The following TMEM38A variants were observed in gnomAD, a reference collection of about 807,000 sequenced individuals.
The protein encoded by TMEM38A is trimeric intracellular cation channel type A.
A neutral mutation model predicts 28.6 loss-of-function variants in TMEM38A; 17 were observed. The ratio of observed to expected loss-of-function variants is 0.60; its 90% CI spans 0.41 to 0.89. The LOEUF (loss-of-function observed/expected upper bound fraction) is 0.89. Ranked by LOEUF, TMEM38A falls within the 40% of genes least tolerant of loss-of-function variation. TMEM38A has a pLI of 0.00. For missense variants in TMEM38A, 328 were observed against 393.1 expected (o/e 0.83, Z 1.40); for synonymous variants, 169 against 166.1 (o/e 1.02, Z -0.14).
At chr19:16,673,682 C>T (rs927135137) in intron 1 of TMEM38A, among the ~76,000 whole-genome samples, 1 of 152,116 alleles carries the variant, frequency 6.6e-6, no homozygotes, top group African/African-American at 2.4e-5. Context: ...ATTATTTCCC[C>T]CTGTGAGGTT....
intron 1 of TMEM38A, among the ~76,000 whole-genome samples, chr19:16,662,336 GA>G (rs940460009): frequency 6.7e-6 from 1 of 148,438 alleles, no homozygotes; most frequent in Non-Finnish European, 1.5e-5. Flanking sequence ...AAGGGCAAAG[GA>G]AAAAAAGAGA....
At chr19:16,680,237 G>C in intron 2 of TMEM38A, 97 bp downstream of exon 2, 4 of 1,522,162 alleles carry the variant, frequency 2.6e-6, no homozygotes, top group Non-Finnish European at 2.7e-6. Flanking sequence ...GAATGCACCA[G>C]CAACAGCCCT....
rs892022628 is a variant in TMEM38A, at chr19:16,676,379, A to G, written c.125-3605A>G. Among the ~76,000 whole-genome samples the G allele has an allele frequency of 4.5e-4, 68 of 152,254 alleles. 1 individual carries two copies. The highest frequency in any genetic ancestry group is 1.6e-3 in the African/African-American group (65 of 41,562). On this transcript the variant is annotated intron_variant, in intron 1 of 5. Transcript: ENST00000187762. ...TCAAACAAAAAAAGAGAGAGATTAC[A>G]TTTTGTGACCTTGTTATCTCATGTC...
At chr19:16,678,509 C>G (rs1260822777) in intron 1 of TMEM38A, among the ~76,000 whole-genome samples, 3 of 151,374 alleles carry the variant, frequency 2.0e-5, no homozygotes. Context: ...TCTATAATCC[C>G]AACTCTTTGG....
chr19:16,687,752 CT>C (rs2086807596), intron 5 of TMEM38A, among the ~76,000 whole-genome samples: 1 of 152,136 alleles, frequency 6.6e-6, no homozygotes, highest in East Asian at 1.9e-4. Context: ...CTAATTACCC[CT>C]CCAAAGGCCT....
Position 16,686,160 on chromosome 19 carries a change from C to G in TMEM38A, c.555-128C>G. The G allele has an allele frequency of 9.2e-6, 6 of 652,212 alleles. No individual in the cohort carries two copies. In the South Asian group the frequency reaches 1.1e-4, roughly 12 times the overall value. 40.4% of individuals were successfully genotyped at this position (652,212 alleles called of 1,614,324 possible). Reference sequence around the variant, plus strand: ...CCTGGGCAACAGAGTGAGATTCCATCTCAAAAGGAAAAGAAAAGAGAGAAG... The same window carrying G: ...CCTGGGCAACAGAGTGAGATTCCATGTCAAAAGGAAAAGAAAAGAGAGAAG... On this transcript the variant is annotated intron_variant, in intron 4 of 5. Transcript: ENST00000187762.
intron 1 of TMEM38A, among the ~76,000 whole-genome samples, chr19:16,668,855 C>CT (rs112299723): frequency 0.2 from 28,591 of 141,940 alleles, 4,714 homozygotes; most frequent in African/African-American, 0.44. Flanking sequence ...TTGAAATGGA[C>CT]TTTGCTCTTG....
At position 16,688,223 on chromosome 19, in the gene TMEM38A, C is replaced by T. The variant is rs767091237; in HGVS notation, c.752C>T (p.Ser251Leu). ...TACATCTGCCCCGTGCTGTTTGGTTCGGCCTGCGGGGGTGACCATCACCAC... is the reference window on the plus strand; with the variant it reads ...TACATCTGCCCCGTGCTGTTTGGTTTGGCCTGCGGGGGTGACCATCACCAC... The part of the protein sequence containing the change: ...EGYICPVLFG[S>L]ACGGDHHHDN... The change falls in exon 6 of 6, where the codon TCG becomes TTG. Residue 251 changes from serine to leucine, a missense_variant. Physicochemically the swap from Ser to Leu is moderately radical, Grantham distance 145. Transcript: ENST00000187762. The T allele has an allele frequency of 2.7e-5, 42 of 1,583,446 alleles. No individual in the cohort carries two copies. The highest frequency in any genetic ancestry group is 4.1e-5 in the African/African-American group (3 of 73,736).
chr19:16,667,861 G>GAAA (rs112685452), intron 1 of TMEM38A, among the ~76,000 whole-genome samples: 1 of 127,422 alleles, frequency 7.8e-6, no homozygotes, highest in African/African-American at 2.8e-5. Flanking sequence ...CTCCGTCTCA[G>GAAA]AAAAAAAAAA....
At chr19:16,677,066 T>C (rs868422296) in intron 1 of TMEM38A, among the ~76,000 whole-genome samples, 3 of 134,562 alleles carry the variant, frequency 2.2e-5, no homozygotes, top group South Asian at 2.3e-4. Flanking sequence ...CAGCCCTTTT[T>C]TTAAAAAGAA....
At chr19:16,673,776 CATT>C (rs1441129072) in intron 1 of TMEM38A, among the ~76,000 whole-genome samples, 3 of 152,072 alleles carry the variant, frequency 2.0e-5, no homozygotes, top group Non-Finnish European at 2.9e-5. Flanking sequence ...CAGAGAAGGT[CATT>C]GTTGTTACAA....
At chr19:16,662,515 G>T (rs1337535414) in intron 1 of TMEM38A, among the ~76,000 whole-genome samples, 1 of 144,812 alleles carries the variant, frequency 6.9e-6, no homozygotes, top group Non-Finnish European at 1.5e-5. Flanking sequence ...GTGCAGTGGC[G>T]TGATCTCGGC....
chr19:16,668,769 T>A (rs977412815), intron 1 of TMEM38A, among the ~76,000 whole-genome samples: 18 of 152,158 alleles, frequency 1.2e-4, no homozygotes, highest in Admixed American at 2.6e-4. Flanking sequence ...TTAAGGTTCC[T>A]CCATGTCTTT....
intron 1 of TMEM38A, among the ~76,000 whole-genome samples, chr19:16,670,932 C>T (rs140516600): frequency 6.6e-6 from 1 of 151,798 alleles, no homozygotes; most frequent in Non-Finnish European, 1.5e-5. Context: ...GAGCAAGACC[C>T]CATCTCAAAA....
Position 16,686,411 on chromosome 19 carries a change from C to G in TMEM38A, c.672+6C>G, listed in dbSNP as rs547853841. ...TGTTCATGGTGTCCTGTAAGGTAAG[C>G]CTTTCTCTTCTTGCAGCATTCTTGC... On this transcript the variant is annotated splice_donor_region_variant and intron_variant, in intron 5 of 5. Coordinates refer to ENST00000187762, the MANE Select transcript of TMEM38A (RefSeq NM_024074.4). 1.9e-6 allele frequency: 3 copies of G among 1,609,230 alleles called. No homozygotes were observed. Among genetic ancestry groups the G allele is most frequent in the South Asian group, 1.1e-5 (1 of 90,996 alleles).
chr19:16,677,831 T>A (rs553757884), intron 1 of TMEM38A, among the ~76,000 whole-genome samples: 2 of 152,248 alleles, frequency 1.3e-5, no homozygotes, highest in East Asian at 3.9e-4. Flanking sequence ...GTGTTGGGAT[T>A]ACAAGTGTGA....
chr19:16,668,496 C>CT (rs2086712717), intron 1 of TMEM38A, among the ~76,000 whole-genome samples: 1 of 136,572 alleles, frequency 7.3e-6, no homozygotes, highest in Admixed American at 7.4e-5. Flanking sequence ...TGCAGTGACT[C>CT]TGTCTCAAAA....
intron 1 of TMEM38A, among the ~76,000 whole-genome samples, chr19:16,676,534 C>T (rs1030363471): frequency 2.0e-5 from 3 of 151,904 alleles, no homozygotes; most frequent in Admixed American, 6.6e-5. Flanking sequence ...CTCTGCAAAA[C>T]GAAACTAGTT....
chr19:16,663,197 C>G (rs903442972), intron 1 of TMEM38A, among the ~76,000 whole-genome samples: 18 of 151,658 alleles, frequency 1.2e-4, no homozygotes, highest in African/African-American at 4.4e-4. Flanking sequence ...AGGAGAATCA[C>G]TTGAACCTGG....
Sources: gnomAD v4.1 joint callset for allele counts (sites outside exome capture counted in the v4.1 genomes callset) on GRCh38, gnomAD v4.1.1 for gene constraint, MANE v1.5 for transcripts, NCBI Gene and HGNC (gene_info 2026-07-23, HGNC 2026-07-21) for gene names.